TOP2B: variants seen among roughly 807,000 people sequenced by gnomAD.
TOP2B encodes DNA topoisomerase 2-beta.
TOP2B carries 51 observed loss-of-function variants against 193.5 expected under a neutral mutation model. The observed-to-expected ratio is 0.26, with a 90% confidence interval of 0.21 to 0.33. The LOEUF is 0.33. Among genes scored for constraint, TOP2B ranks in the 10% least tolerant of loss-of-function variants. The pLI, the probability that TOP2B is intolerant of heterozygous loss-of-function variation, is 1.00. For missense variants in TOP2B, 1,378 were observed against 1,909.3 expected (o/e 0.72, Z 5.19); for synonymous variants, 634 against 635.7 (o/e 1.00, Z 0.04).
chr3:25,644,307 T>C (rs916623684), intron 2 of TOP2B, among the ~76,000 whole-genome samples: 1 of 152,140 alleles, frequency 6.6e-6, no homozygotes, highest in Non-Finnish European at 1.5e-5. Flanking sequence ...AATGAGATAA[T>C]ATATGTAAGC....
At chr3:25,654,725 C>T (rs929428203) in intron 1 of TOP2B, among the ~76,000 whole-genome samples, 1 of 152,138 alleles carries the variant, frequency 6.6e-6, no homozygotes, top group Non-Finnish European at 1.5e-5. Flanking sequence ...CAGTGTGGCA[C>T]TGGCATACAG....
rs751083091 is a variant in TOP2B at position 25,618,701 on chromosome 3, T to C, written c.3212A>G (p.Asn1071Ser). 4 of 1,613,406 alleles carry C rather than the reference T, an allele frequency of 2.5e-6. No homozygotes were observed. The highest frequency in any genetic ancestry group is 2.5e-6 in the Non-Finnish European group (3 of 1,179,644). The change falls in exon 24 of 36, where the codon AAT becomes AGT. Residue 1071 changes from asparagine (N) to serine (S), a missense_variant. Asn to Ser is a conservative substitution (Grantham distance 46). Coordinates refer to ENST00000264331, the MANE Select transcript of TOP2B (RefSeq NM_001330700.2). ...MLGAESTKLN[N>S]QARFILEKIQ... ...CTTCTCTAAAATGAAACGGGCTTGA[T>C]TGTTAAGCTTTGTAGATTCTGCTCC...
At chr3:25,646,505 A>T (rs1234667796) in intron 1 of TOP2B, among the ~76,000 whole-genome samples, 1 of 152,202 alleles carries the variant, frequency 6.6e-6, no homozygotes, top group Non-Finnish European at 1.5e-5. Flanking sequence ...AGCAGCAGAG[A>T]ATATACTTCT....
intron 1 of TOP2B, among the ~76,000 whole-genome samples, chr3:25,655,668 G>A (rs112912183): frequency 6.7e-4 from 102 of 152,284 alleles, no homozygotes; most frequent in African/African-American, 2.0e-3. Context: ...TTTAAAATGC[G>A]TATATAGATA....
chr3:25,613,341 C>CTT (rs1365583965), intron 27 of TOP2B, among the ~76,000 whole-genome samples: 5 of 152,076 alleles, frequency 3.3e-5, no homozygotes, highest in Admixed American at 2.0e-4. Flanking sequence ...TTTAAAAGAT[C>CTT]TTTGTAGCAC....
chr3:25,654,397 C>CA (rs1344939159), intron 1 of TOP2B, among the ~76,000 whole-genome samples: 5 of 151,644 alleles, frequency 3.3e-5, no homozygotes, highest in Non-Finnish European at 5.9e-5. Flanking sequence ...AGAATAATGT[C>CA]AAAATACAAA....
Position 25,612,528 on chromosome 3 carries a change from A to T in TOP2B, c.3773T>A (p.Leu1258Gln), listed in dbSNP as rs768648887. 8.7e-6 allele frequency: 14 copies of T among 1,608,476 alleles called. No individual in the cohort carries two copies. The highest frequency in any genetic ancestry group is 1.2e-5 in the Non-Finnish European group (14 of 1,177,620). ...AMKADASKKL[L>Q]KKKKGDLDTA... ...GGTATGTCATACCTTCTTCTTCTTCAGCAACTTTTTGCTGGCATCTGCCTT... is the reference window on the plus strand; with the variant it reads ...GGTATGTCATACCTTCTTCTTCTTCTGCAACTTTTTGCTGGCATCTGCCTT... Residue 1258 changes from leucine (L) to glutamine (Q), a missense_variant, in exon 28 of 36, where the codon CTG becomes CAG. Leu to Gln is a moderately radical substitution (Grantham distance 113). Around this residue, in one of 9 missense-constraint regions of TOP2B, gnomAD observed 556 missense variants for 584.2 expected, o/e 0.95. Transcript: ENST00000264331.
intron 21 of TOP2B, 102 bp downstream of exon 21, chr3:25,623,413 A>G (rs1702714914): frequency 1.9e-6 from 2 of 1,063,274 alleles, no homozygotes; most frequent in South Asian, 3.0e-5. Flanking sequence ...GGTCTACAAT[A>G]TGTTCTAAAA....
rs144286112 is a variant in TOP2B at position 25,650,128 on chromosome 3, C to T, written c.70-4658G>A. Among the ~76,000 whole-genome samples the T allele has an allele frequency of 3.8e-4, 58 of 152,160 alleles. No individual in the cohort carries two copies. In the East Asian group the frequency reaches 8.7e-3, roughly 23 times the overall value. On this transcript the variant is annotated intron_variant, in intron 1 of 35. Transcript: ENST00000264331. ...AGATGGATGCCTAATTATTTATCAT[C>T]AAAACTCTCATAAAATTGCTCTTGT...
At chr3:25,644,395 C>T (rs1703352558) in intron 2 of TOP2B, among the ~76,000 whole-genome samples, 1 of 152,078 alleles carries the variant, frequency 6.6e-6, no homozygotes, top group Non-Finnish European at 1.5e-5. Context: ...ACATTAATGA[C>T]AATATGAACT....
intron 9 of TOP2B, 33 bp downstream of exon 9, chr3:25,632,660 T>G: frequency 6.2e-7 from 1 of 1,604,536 alleles, no homozygotes; most frequent in Non-Finnish European, 8.5e-7. Context: ...TGCATATGTA[T>G]GCATCATGTA....
intron 1 of TOP2B, among the ~76,000 whole-genome samples, chr3:25,663,000 T>C (rs1703962438): frequency 6.6e-6 from 1 of 152,252 alleles, no homozygotes; most frequent in African/African-American, 2.4e-5. Flanking sequence ...TAACTTAGTA[T>C]CTGACATTTT....
intron 15 of TOP2B, among the ~76,000 whole-genome samples, chr3:25,627,772 AAAAC>A (rs771020307): frequency 9.9e-5 from 15 of 152,146 alleles, no homozygotes; most frequent in South Asian, 2.1e-4. Flanking sequence ...ACTTTGGAAA[AAAAC>A]AAACAAACTC....
intron 32 of TOP2B, 93 bp from the exon 33 acceptor site, chr3:25,604,963 A>C (rs1460735547): frequency 3.7e-6 from 3 of 813,804 alleles, no homozygotes; most frequent in African/African-American, 1.7e-5. Context: ...CCCTTTAGCT[A>C]GACAATTGAT....
rs144698149 is a variant in TOP2B at position 25,637,131 on chromosome 3, C to T, written c.639+84G>A. ...AAAAAATGAAGTTATACAGGCATCA[C>T]TGCAATTTACCCAAGGTTCTACTAT... On this transcript the variant is annotated intron_variant, in intron 6 of 35. Coordinates refer to ENST00000264331, the MANE Select transcript of TOP2B (RefSeq NM_001330700.2). The T allele has an allele frequency of 7.5e-5, 78 of 1,046,880 alleles. 1 individual carries two copies. In the Middle Eastern group the frequency reaches 1.4e-3, roughly 19 times the overall value. The allele number at this position is 1,046,880 out of a possible 1,614,324, so 64.8% of individuals were successfully genotyped here.
intron 17 of TOP2B, 33 bp downstream of exon 17, chr3:25,626,739 T>C: frequency 6.4e-7 from 1 of 1,563,682 alleles, no homozygotes; most frequent in Non-Finnish European, 8.7e-7. Flanking sequence ...TCTCTCTCCT[T>C]CTTTCCCCAG....
chr3:25,625,231 G>A (rs759772598), intron 18 of TOP2B, among the ~76,000 whole-genome samples: 5 of 152,102 alleles, frequency 3.3e-5, no homozygotes, highest in South Asian at 2.1e-4. Flanking sequence ...TATAAAAAGC[G>A]ATTTATTGTG....
chr3:25,639,480 G>A (rs886815315), intron 4 of TOP2B, among the ~76,000 whole-genome samples: 2 of 152,208 alleles, frequency 1.3e-5, no homozygotes, highest in South Asian at 4.2e-4. Context: ...GCTAATTTTT[G>A]TATTTTTAGG....
chr3:25,607,522 C>G, intron 30 of TOP2B, 147 bp from the exon 31 acceptor site: 1 of 1,156,352 alleles, frequency 8.6e-7, no homozygotes, highest in East Asian at 2.6e-5. Flanking sequence ...AGAATAAAAG[C>G]CAACAACTTT....
Sources: gnomAD v4.1 joint callset for allele counts (sites outside exome capture counted in the v4.1 genomes callset) on GRCh38, gnomAD v4.1.1 for gene constraint, gnomAD v4.1.1 regional missense constraint, MANE v1.5 for transcripts, NCBI Gene and HGNC (gene_info 2026-07-23, HGNC 2026-07-21) for gene names.